The following TBC1D31 variants were observed in gnomAD, a reference collection of about 807,000 sequenced individuals.
TBC1D31 encodes WD repeat domain 67.
TBC1D31 carries 99 observed loss-of-function variants against 132.9 expected under a neutral mutation model. The observed-to-expected ratio is 0.74, with a 90% CI of 0.63 to 0.88. The LOEUF is 0.88. TBC1D31 is among the 40% of genes least tolerant of loss of function. The pLI, the probability that TBC1D31 is intolerant of heterozygous loss-of-function variation, is 0.00. For synonymous variants in TBC1D31, 385 were observed against 419.4 expected (o/e 0.92, Z 1.00); for missense variants, 1,134 against 1,256.6 (o/e 0.90, Z 1.48).
chr8:123,080,055 A>G (rs952631055), intron 2 of TBC1D31, among the ~76,000 whole-genome samples: 1 of 152,220 alleles, frequency 6.6e-6, no homozygotes, highest in African/African-American at 2.4e-5. Flanking sequence ...CTTGTAACAA[A>G]AGATAGATTA....
At chr8:123,082,291 C>G (rs1331341513) in intron 2 of TBC1D31, among the ~76,000 whole-genome samples, 1 of 151,974 alleles carries the variant, frequency 6.6e-6, no homozygotes. Context: ...AGATCGGGTC[C>G]TGATTCCCTC....
At chr8:123,144,996 T>C in intron 20 of TBC1D31, 141 bp downstream of exon 20, 1 of 759,414 alleles carries the variant, frequency 1.3e-6, no homozygotes, top group Non-Finnish European at 2.0e-6. Context: ...CAATCATGGC[T>C]CAGTGCAGCC....
chr8:123,143,410 G>A (rs985541167), intron 19 of TBC1D31, among the ~76,000 whole-genome samples: 1 of 152,174 alleles, frequency 6.6e-6, no homozygotes, highest in Non-Finnish European at 1.5e-5. Context: ...GTCCGAGGAG[G>A]TAATTAATAG....
chr8:123,078,107 A>C (rs1814730515), intron 2 of TBC1D31, among the ~76,000 whole-genome samples: 1 of 152,178 alleles, frequency 6.6e-6, no homozygotes, highest in African/African-American at 2.4e-5. Context: ...CTTGTGAAAC[A>C]ATTTAGTCCG....
chr8:123,101,527 G>A (rs1271900003), intron 7 of TBC1D31, among the ~76,000 whole-genome samples: 2 of 152,108 alleles, frequency 1.3e-5, no homozygotes, highest in Non-Finnish European at 2.9e-5. Context: ...TGATTCTCCT[G>A]CCTCAGCCTC....
chr8:123,125,944 T>A, intron 11 of TBC1D31, 112 bp from the exon 12 acceptor site: 1 of 682,636 alleles, frequency 1.5e-6, no homozygotes, highest in East Asian at 3.2e-5. Context: ...TTTTTTTTTA[T>A]TATTCATGGA....
In TBC1D31 at chr8:123,077,349, A is replaced by G. The variant is rs1220201656; in HGVS notation, c.224+92A>G. 1.8e-5 allele frequency: 23 copies of G among 1,297,624 alleles called. No individual in the cohort carries two copies. The East Asian group carries it at 4.3e-4, about 25-fold the overall frequency. The allele number at this position is 1,297,624 out of a possible 1,614,324, so 80.4% of individuals were successfully genotyped here. ...TGCTATTCATTATTCATTCAGAAAG[A>G]TTTATTAAGTTCTATTATATTTCAG... On this transcript the variant is annotated intron_variant, in intron 2 of 21. Coordinates refer to ENST00000287380, the MANE Select transcript of TBC1D31 (RefSeq NM_145647.4).
At chr8:123,107,240 T>C (rs1818014849) in intron 8 of TBC1D31, among the ~76,000 whole-genome samples, 1 of 152,182 alleles carries the variant, frequency 6.6e-6, no homozygotes, top group Non-Finnish European at 1.5e-5. Context: ...AAGTAAGCCT[T>C]CTGAGGGTAG....
At chr8:123,132,403 CTTTTTT>C (rs34901750) in intron 16 of TBC1D31, among the ~76,000 whole-genome samples, 4 of 55,442 alleles carry the variant, frequency 7.2e-5, no homozygotes, top group Non-Finnish European at 1.1e-4. Context: ...TTTTTTAAGT[CTTTTTT>C]TTTTTTTTTT....
chr8:123,116,649 G>A (rs905671673), intron 10 of TBC1D31, among the ~76,000 whole-genome samples: 4 of 152,134 alleles, frequency 2.6e-5, no homozygotes, highest in East Asian at 1.9e-4. Flanking sequence ...AACAGTGAGC[G>A]CACCTACTGG....
intron 2 of TBC1D31, among the ~76,000 whole-genome samples, chr8:123,079,087 T>C (rs903709712): frequency 6.6e-6 from 1 of 152,160 alleles, no homozygotes; most frequent in African/African-American, 2.4e-5. Context: ...ATTAAGGACA[T>C]CTAATAACAA....
chr8:123,157,142 C>T (rs1182501267), downstream of TBC1D31, among the ~76,000 whole-genome samples: 1 of 151,892 alleles, frequency 6.6e-6, no homozygotes, highest in Admixed American at 6.5e-5. Context: ...GCAGATATGT[C>T]TTTTCCCCTT....
intron 8 of TBC1D31, among the ~76,000 whole-genome samples, chr8:123,106,934 C>T (rs1301845370): frequency 1.3e-5 from 2 of 152,304 alleles, no homozygotes; most frequent in East Asian, 3.9e-4. Flanking sequence ...ACTGGAGTCA[C>T]AGGACATCCT....
intron 17 of TBC1D31, among the ~76,000 whole-genome samples, chr8:123,136,561 C>T (rs1020843340): frequency 6.6e-6 from 1 of 152,170 alleles, no homozygotes; most frequent in Non-Finnish European, 1.5e-5. Context: ...AGAAATTCTC[C>T]TGCCTCAGCC....
chr8:123,159,520 G>A, the TBC1D31 span, among the ~76,000 whole-genome samples: 1 of 152,148 alleles, frequency 6.6e-6, no homozygotes, highest in African/African-American at 2.4e-5. Flanking sequence ...TGCCGGACGC[G>A]GTGGCTCACG....
the TBC1D31 span, among the ~76,000 whole-genome samples, chr8:123,157,312 G>A: frequency 1.4e-4 from 22 of 152,242 alleles, 1 homozygote; most frequent in South Asian, 6.2e-4. Context: ...CACCTAGTAA[G>A]GGTTTCCGGA....
At chr8:123,150,809 AG>A (rs1268840761) in intron 21 of TBC1D31, among the ~76,000 whole-genome samples, 3 of 152,262 alleles carry the variant, frequency 2.0e-5, no homozygotes, top group African/African-American at 7.2e-5. Context: ...TTTAAAAGGG[AG>A]GAGGAGAAAA....
intron 2 of TBC1D31, among the ~76,000 whole-genome samples, chr8:123,080,159 A>G (rs933224039): frequency 1.6e-4 from 24 of 152,238 alleles, no homozygotes; most frequent in Non-Finnish European, 2.9e-5. Flanking sequence ...GATGTTATCA[A>G]CTTGTGTCAT....
chr8:123,077,323 C>A (rs1029135233), intron 2 of TBC1D31, 66 bp downstream of exon 2: 1 of 1,408,874 alleles, frequency 7.1e-7, no homozygotes, highest in African/African-American at 1.5e-5. Flanking sequence ...GTTTTCGTAC[C>A]TGCTATTCAT....
Sources: allele counts gnomAD v4.1 joint callset (sites outside exome capture counted in the v4.1 genomes callset), GRCh38; gene constraint gnomAD v4.1.1; transcripts MANE v1.5; gene names NCBI Gene and HGNC (gene_info 2026-07-23, HGNC 2026-07-21).